Variants in USP34 observed in about 807,000 individuals in gnomAD.
USP34 encodes ubiquitin carboxyl-terminal hydrolase 34.
USP34 carries 70 observed loss-of-function variants against 460.3 expected under a neutral mutation model. The ratio of observed to expected loss-of-function variants is 0.15; its 90% CI spans 0.13 to 0.19. USP34 has a LOEUF of 0.19. Ranked by LOEUF, USP34 falls within the 10% of genes least tolerant of loss-of-function variation. The pLI, the probability that USP34 is intolerant of heterozygous loss-of-function variation, is 1.00. For synonymous variants in USP34, 1,647 were observed against 1,405.3 expected (o/e 1.17, Z -3.85); for missense variants, 3,985 against 4,236.2 (o/e 0.94, Z 1.65).
In USP34 at chr2:61,348,274, ATCG is replaced by A. The variant is rs750531711; in HGVS notation, c.1878_1880del (p.Asp628del). ...TTTTGGGAGGATTATGACCATGATCATCGTCTTCATCTTCCTCTTTGAGGGCTT... is the reference window on the plus strand; with the variant it reads ...TTTTGGGAGGATTATGACCATGATCATCTTCATCTTCCTCTTTGAGGGCTT... On this transcript the variant is annotated inframe_deletion, in exon 15 of 80. Coordinates refer to ENST00000398571, the MANE Select transcript of USP34 (RefSeq NM_014709.4). 1.4e-5 allele frequency: 22 copies of A among 1,614,098 alleles called. No homozygotes were observed. The highest frequency in any genetic ancestry group is 1.9e-5 in the Non-Finnish European group (22 of 1,180,040).
intron 68 of USP34, among the ~76,000 whole-genome samples, chr2:61,212,180 C>G (rs2103787981): frequency 6.6e-6 from 1 of 152,152 alleles, no homozygotes; most frequent in South Asian, 2.1e-4. Context: ...CGAGACCAGC[C>G]AGGGCAACAT....
chr2:61,436,721 T>G (rs553079344), intron 1 of USP34, among the ~76,000 whole-genome samples: 60 of 152,214 alleles, frequency 3.9e-4, no homozygotes, highest in Non-Finnish European at 7.5e-4. Flanking sequence ...TTTCACCTAA[T>G]AGCAGCAGAA....
chr2:61,256,612 A>G lies in USP34; in HGVS notation c.6127-134T>C, dbSNP rs115472073. The G allele has an allele frequency of 9.3e-3, 6,492 of 700,324 alleles. 49 individuals are homozygous for G. Among genetic ancestry groups the G allele is most frequent in the Middle Eastern group, 0.021 (51 of 2,414 alleles). 43.4% of individuals were successfully genotyped at this position (700,324 alleles called of 1,614,324 possible). ...TTTTAAAAGTGAATTCTTAAATTTT[A>G]GTAAAAAACTGTTTTTCCTCATATT... On this transcript the variant is annotated intron_variant, in intron 47 of 79. Transcript: ENST00000398571.
At position 61,314,729 on chromosome 2, in the gene USP34, T is replaced by G. The variant is rs918648320; in HGVS notation, c.3398A>C (p.Glu1133Ala). 4.4e-6 allele frequency: 7 copies of G among 1,581,290 alleles called. No homozygotes were observed. In the African/African-American group the frequency reaches 9.5e-5, roughly 22 times the overall value. ...SYYINGKTGLEKEQEFISKCM... is the reference protein window; with the variant it reads ...SYYINGKTGLAKEQEFISKCM... The stretch of plus-strand genomic sequence containing the variant: ...CTTACTAATAAATTCTTGCTCCTTC[T>G]CCAAACCTGTTTTACCTGAAAGCCA... The change falls in exon 25 of 80, where the codon GAG becomes GCG. Residue 1133 changes from glutamate (E) to alanine (A), a missense_variant. Transcript: ENST00000398571.
chr2:61,274,005 A>G (rs573185684), intron 41 of USP34, among the ~76,000 whole-genome samples: 7 of 152,188 alleles, frequency 4.6e-5, no homozygotes, highest in Middle Eastern at 3.4e-3. Context: ...TGAAAGCATG[A>G]AAAAACAGGG....
chr2:61,443,350 C>A (rs923010817), intron 1 of USP34, among the ~76,000 whole-genome samples: 2 of 152,128 alleles, frequency 1.3e-5, no homozygotes, highest in Admixed American at 6.6e-5. Context: ...TTACCCTGAT[C>A]TGATCACTAT....
At position 61,372,545 on chromosome 2, in the gene USP34, C is replaced by T. The variant is rs1023656333; in HGVS notation, c.1077-1966G>A. Among the ~76,000 whole-genome samples the T allele has an allele frequency of 2.6e-5, 4 of 152,096 alleles. No homozygotes were observed. The East Asian group carries it at 7.7e-4, about 29-fold the overall frequency. On this transcript the variant is annotated intron_variant, in intron 8 of 79. Coordinates refer to ENST00000398571, the MANE Select transcript of USP34 (RefSeq NM_014709.4). ...AGGAGTTCCAGGCCAGGCTGGGCAA[C>T]GTAATGAAAGCCTGTTTCCGCCAGG...
intron 1 of USP34, among the ~76,000 whole-genome samples, chr2:61,464,087 G>C (rs998893617): frequency 6.6e-6 from 1 of 152,192 alleles, no homozygotes; most frequent in Admixed American, 6.5e-5. Flanking sequence ...GAAAGGCCGA[G>C]GCAGGTGGAT....
chr2:61,309,429 C>A (rs1299943127), intron 27 of USP34, among the ~76,000 whole-genome samples: 1 of 152,178 alleles, frequency 6.6e-6, no homozygotes, highest in African/African-American at 2.4e-5. Flanking sequence ...CACACAATCA[C>A]TGCTGTGCAC....
chr2:61,383,160 C>T (rs2103869749), intron 6 of USP34, 109 bp downstream of exon 6: 1 of 646,112 alleles, frequency 1.5e-6, no homozygotes, highest in South Asian at 3.6e-5. Context: ...TTGAAATTTT[C>T]TCTAGAGGAT....
chr2:61,469,221 G>C (rs1363937903), intron 1 of USP34, among the ~76,000 whole-genome samples: 5 of 151,846 alleles, frequency 3.3e-5, no homozygotes, highest in Admixed American at 3.3e-4. Context: ...AAAAAAAAAA[G>C]ATATTTAAAA....
chr2:61,392,348 G>A (rs72813590), intron 5 of USP34, among the ~76,000 whole-genome samples: 20,862 of 152,134 alleles, frequency 0.14, 1,673 homozygotes, highest in South Asian at 0.35. Flanking sequence ...GGGTGCGGTG[G>A]CTCAAGCCTG....
At chr2:61,200,688 C>G (rs1033372420) in intron 75 of USP34, 2 of 152,150 alleles carry the variant, frequency 1.3e-5, no homozygotes, top group African/African-American at 4.8e-5. Context: ...AAGATATAAC[C>G]AATTTAAACT....
At position 61,265,987 on chromosome 2, in the gene USP34, G is replaced by T; in HGVS notation, c.5614C>A (p.Gln1872Lys). Reference protein sequence around the residue: ...IHNWVMAQHMQSHAPYKWDYW... With the variant: ...IHNWVMAQHMKSHAPYKWDYW... ...AAAGGAAAAGAAGAATGCTTACACT[G>T]CATGTGTTGTGCCATAACCCAGTTG... Residue 1872 changes from glutamine to lysine, a missense_variant, in exon 42 of 80, where the codon CAG becomes AAG. Transcript: ENST00000398571. 6.2e-7 allele frequency: 1 copy of T among 1,600,464 alleles called. No homozygotes were observed. The highest frequency in any genetic ancestry group is 8.5e-7 in the Non-Finnish European group (1 of 1,170,074).
intron 2 of USP34, among the ~76,000 whole-genome samples, chr2:61,406,589 G>T (rs1184059369): frequency 1.3e-5 from 2 of 151,682 alleles, no homozygotes; most frequent in Non-Finnish European, 2.9e-5. Context: ...CTTGGGAGGG[G>T]TGCTCTGACG....
rs150710191 is a variant in USP34 at position 61,410,875 on chromosome 2, A to G, written c.132-4747T>C. 1.2e-4 allele frequency among the ~76,000 whole-genome samples: 18 copies of G among 152,240 alleles called. No individual in the cohort carries two copies. The East Asian group carries it at 2.5e-3, about 21-fold the overall frequency. ...AAAAGAAAAATCAACCCCACAGAAC[A>G]CTGGAAAGGCTCAGGACTTAAGAAC... On this transcript the variant is annotated intron_variant, in intron 2 of 79. Coordinates refer to ENST00000398571, the MANE Select transcript of USP34 (RefSeq NM_014709.4).
At chr2:61,447,707 G>A (rs1235844055) in intron 1 of USP34, among the ~76,000 whole-genome samples, 3 of 151,898 alleles carry the variant, frequency 2.0e-5, no homozygotes, top group African/African-American at 7.3e-5. Context: ...TTTAGTTTTG[G>A]GTTTTTTCTT....
At chr2:61,238,943 A>C (rs1346970938) in intron 53 of USP34, among the ~76,000 whole-genome samples, 1 of 151,626 alleles carries the variant, frequency 6.6e-6, no homozygotes, top group Non-Finnish European at 1.5e-5. Context: ...GTAATTCCTG[A>C]AATATTTCAA....
chr2:61,406,539 T>C (rs995830023), intron 2 of USP34, among the ~76,000 whole-genome samples: 2 of 152,084 alleles, frequency 1.3e-5, no homozygotes, highest in African/African-American at 4.8e-5. Flanking sequence ...TGTCAACTAA[T>C]AAAACAGCCA....
Sources: gnomAD v4.1 joint callset for allele counts (sites outside exome capture counted in the v4.1 genomes callset) on GRCh38, gnomAD v4.1.1 for gene constraint, MANE v1.5 for transcripts, NCBI Gene and HGNC (gene_info 2026-07-23, HGNC 2026-07-21) for gene names.